The following DSCAML1 variants were observed in gnomAD, a reference collection of about 807,000 sequenced individuals.
DSCAML1 encodes the protein cell adhesion molecule DSCAML1.
Under a neutral mutation model 200.5 loss-of-function variants are expected in DSCAML1, and 38 were observed. The observed-to-expected ratio is 0.19, with a 90% CI of 0.15 to 0.25. DSCAML1 has a LOEUF of 0.25. Ranked by LOEUF, DSCAML1 falls within the 10% of genes least tolerant of loss-of-function variation. The pLI, the probability that DSCAML1 is intolerant of heterozygous loss-of-function variation, is 1.00. For synonymous variants in DSCAML1, 1,215 were observed against 1,165.0 expected (o/e 1.04, Z -0.87); for missense variants, 2,223 against 2,858.8 (o/e 0.78, Z 5.07).
chr11:117,702,254 T>C (rs74660871), intron 3 of DSCAML1, among the ~76,000 whole-genome samples: 3,415 of 152,078 alleles, frequency 0.022, 56 homozygotes, highest in Middle Eastern at 0.051. Context: ...GCGCAGAAAA[T>C]CCTTTGTTAC....
At position 117,633,011 on chromosome 11, in the gene DSCAML1, G is replaced by A. The variant is rs536816595; in HGVS notation, c.512-100489C>T. Among the ~76,000 whole-genome samples, 4 of 152,266 alleles carry A rather than the reference G, an allele frequency of 2.6e-5. No homozygotes were observed. The East Asian group carries it at 5.8e-4, about 22-fold the overall frequency. The stretch of plus-strand genomic sequence containing the variant: ...GTCATACAGCTGCTTGGGAAAGGAC[G>A]GGCCTGGCAGGCTGTAAGTATCCTT... On this transcript the variant is annotated intron_variant, in intron 3 of 32. Coordinates refer to ENST00000651296, the MANE Select transcript of DSCAML1 (RefSeq NM_020693.4).
intron 3 of DSCAML1, among the ~76,000 whole-genome samples, chr11:117,673,329 G>A (rs116392867): frequency 0.018 from 2,726 of 152,248 alleles, 26 homozygotes; most frequent in South Asian, 0.026. Flanking sequence ...TTCTGTTTAC[G>A]TTAAGCATCT....
chr11:117,715,083 A>G (rs1303347765), intron 3 of DSCAML1, among the ~76,000 whole-genome samples: 1 of 150,182 alleles, frequency 6.7e-6, no homozygotes, highest in Non-Finnish European at 1.5e-5. Context: ...GGCTAAGTTT[A>G]TACAATTTCG....
At chr11:117,446,752 G>A (rs1236543021) in intron 20 of DSCAML1, among the ~76,000 whole-genome samples, 1 of 152,198 alleles carries the variant, frequency 6.6e-6, no homozygotes, top group Non-Finnish European at 1.5e-5. Flanking sequence ...ACATACATGG[G>A]TGCAAATGCT....
chr11:117,471,506 A>C (rs1398670367), intron 15 of DSCAML1, among the ~76,000 whole-genome samples: 2 of 152,202 alleles, frequency 1.3e-5, no homozygotes, highest in African/African-American at 4.8e-5. Context: ...TGATAACAAA[A>C]GAAAACATAG....
intron 1 of DSCAML1, among the ~76,000 whole-genome samples, chr11:117,782,943 C>T (rs189220802): frequency 3.9e-5 from 6 of 152,236 alleles, no homozygotes; most frequent in Admixed American, 3.3e-4. Context: ...GGGACTCAGA[C>T]TTTGGCAATC....
intron 1 of DSCAML1, among the ~76,000 whole-genome samples, chr11:117,815,837 G>A (rs886854857): frequency 4.6e-5 from 7 of 150,810 alleles, no homozygotes; most frequent in Middle Eastern, 6.8e-3. Flanking sequence ...CTGGTCTCCC[G>A]CCCTGCCAGG....
Position 117,672,219 on chromosome 11 carries a change from G to T in DSCAML1, c.511+104572C>A, listed in dbSNP as rs981668788. Among the ~76,000 whole-genome samples the T allele has an allele frequency of 4.6e-5, 7 of 152,072 alleles. 1 individual carries two copies. The highest frequency in any genetic ancestry group is 1.7e-4 in the African/African-American group (7 of 41,426). Reference sequence around the variant, plus strand: ...TGGATTCTTCCAATGGAGCCAGCAGGTTACTGTGGAAGCAAGGATTACACT... The same window carrying T: ...TGGATTCTTCCAATGGAGCCAGCAGTTTACTGTGGAAGCAAGGATTACACT... On this transcript the variant is annotated intron_variant, in intron 3 of 32. Transcript: ENST00000651296.
intron 3 of DSCAML1, among the ~76,000 whole-genome samples, chr11:117,664,807 C>T (rs1231407561): frequency 6.6e-6 from 1 of 152,216 alleles, no homozygotes; most frequent in Non-Finnish European, 1.5e-5. Context: ...AATACACCCA[C>T]AGACCCATGA....
intron 4 of DSCAML1, among the ~76,000 whole-genome samples, chr11:117,526,133 C>T (rs1293130498): frequency 2.6e-5 from 4 of 152,212 alleles, no homozygotes; most frequent in African/African-American, 4.8e-5. Context: ...CTCTCAGGCT[C>T]GTTCCCACCC....
chr11:117,488,248 C>T (rs1253779387), intron 11 of DSCAML1, among the ~76,000 whole-genome samples: 2 of 152,214 alleles, frequency 1.3e-5, no homozygotes, highest in Non-Finnish European at 2.9e-5. Context: ...GCCCTCCTGG[C>T]TGCTGTACTG....
chr11:117,560,737 A>G (rs778019521), intron 3 of DSCAML1, among the ~76,000 whole-genome samples: 91 of 152,042 alleles, frequency 6.0e-4, no homozygotes, highest in Non-Finnish European at 1.1e-3. Context: ...TTGGCATAAC[A>G]TCCTGCCTGC....
At chr11:117,479,104 C>A (rs2048856393) in intron 14 of DSCAML1, among the ~76,000 whole-genome samples, 1 of 152,242 alleles carries the variant, frequency 6.6e-6, no homozygotes, top group Admixed American at 6.5e-5. Context: ...TGCTGAGCAT[C>A]TACCATGTGG....
chr11:117,473,722 C>G (rs1470237882), intron 14 of DSCAML1, among the ~76,000 whole-genome samples: 1 of 152,150 alleles, frequency 6.6e-6, no homozygotes, highest in East Asian at 1.9e-4. Flanking sequence ...GTTTCACGAG[C>G]CAGAGAAACA....
intron 3 of DSCAML1, among the ~76,000 whole-genome samples, chr11:117,637,545 CCATGTTGGT>C (rs1458989836): frequency 1.3e-5 from 2 of 152,082 alleles, no homozygotes; most frequent in African/African-American, 4.8e-5. Context: ...CGGGGTTTCA[CCATGTTGGT>C]CAGTCTGGTC....
chr11:117,671,152 C>T (rs2053098216), intron 3 of DSCAML1, among the ~76,000 whole-genome samples: 1 of 152,238 alleles, frequency 6.6e-6, no homozygotes, highest in Non-Finnish European at 1.5e-5. Flanking sequence ...CCTGCGCCTG[C>T]AGCAGTGTTT....
chr11:117,604,661 G>A (rs748894314), intron 3 of DSCAML1, among the ~76,000 whole-genome samples: 28 of 152,206 alleles, frequency 1.8e-4, no homozygotes, highest in Admixed American at 6.5e-5. Flanking sequence ...CTTTCCCCTC[G>A]TTGAATCTTG....
chr11:117,628,428 G>C (rs1057026274), intron 3 of DSCAML1, among the ~76,000 whole-genome samples: 3 of 152,216 alleles, frequency 2.0e-5, no homozygotes, highest in African/African-American at 7.2e-5. Context: ...CTCGTGCAGG[G>C]AGAAGCACCA....
chr11:117,432,722 C>T (rs1177956376), intron 29 of DSCAML1, among the ~76,000 whole-genome samples: 5 of 151,704 alleles, frequency 3.3e-5, no homozygotes, highest in Admixed American at 2.6e-4. Context: ...AGCTATCCTC[C>T]TACCTCAACC....
Sources: allele counts gnomAD v4.1 joint callset (sites outside exome capture counted in the v4.1 genomes callset), GRCh38; gene constraint gnomAD v4.1.1; transcripts MANE v1.5; gene names NCBI Gene and HGNC (gene_info 2026-07-23, HGNC 2026-07-21).